Variants in ZNF711 observed in about 807,000 individuals in gnomAD.
ZNF711 encodes the protein ZFX family zinc finger ZNF711.
ZNF711 carries 3 observed loss-of-function variants against 43.5 expected under a neutral mutation model. The ratio of observed to expected loss-of-function variants is 0.07; its 90% CI spans 0.03 to 0.18. The LOEUF (loss-of-function observed/expected upper bound fraction) is 0.18. Ranked by LOEUF, ZNF711 falls within the 10% of genes least tolerant of loss-of-function variation. The pLI is 1.00. For missense variants in ZNF711, 412 were observed against 604.0 expected, an observed-to-expected ratio of 0.68 and a Z score of 3.33; for synonymous variants, 209 against 207.7, an observed-to-expected ratio of 1.01 and a Z score of -0.06.
chrX:85,270,157 T>G lies in ZNF711; in HGVS notation c.1246+11T>G, dbSNP rs1462139598. The G allele has an allele frequency of 8.3e-7, 1 of 1,200,503 alleles. No homozygotes were observed. Among genetic ancestry groups the G allele is most frequent in the African/African-American group, 1.8e-5 (1 of 56,635 alleles). On this transcript the variant is annotated intron_variant, in intron 10 of 10. Transcript: ENST00000674551. ...GGCAGTGGCAAACAGGTAAATACTT[T>G]GCTTTATGAATATTATAATTATTTG...
chrX:85,267,440 T>G (rs1310366610), intron 8 of ZNF711, 25 bp downstream of exon 8: 6 of 1,094,128 alleles, frequency 5.5e-6, no homozygotes, highest in Non-Finnish European at 7.1e-6. Context: ...TTTTTTCACC[T>G]GATAAGTACA....
At chrX:85,259,695 T>A (rs1437022290) in intron 5 of ZNF711, among the ~76,000 whole-genome samples, 1 of 110,986 alleles carries the variant, frequency 9.0e-6, no homozygotes, top group Non-Finnish European at 1.9e-5. Context: ...TCAGCTTGGA[T>A]GTTGTTGGTG....
chrX:85,255,746 AGATGAT>A lies in ZNF711; in HGVS notation c.581_586del (p.Asp194_Asp195del), dbSNP rs746649683. The A allele has an allele frequency of 4.1e-6, 5 of 1,208,371 alleles. No individual in the cohort carries two copies. In the Admixed American group the frequency reaches 6.6e-5, roughly 16 times the overall value. On this transcript the variant is annotated inframe_deletion, in exon 5 of 11. Transcript: ENST00000674551. ...GTTCTACAGTTACTATAAAAACCGA[AGATGAT>A]GATGATGATGATGTCAAGAGCACTT...
intron 4 of ZNF711, among the ~76,000 whole-genome samples, chrX:85,251,889 G>A (rs1218126313): frequency 9.0e-6 from 1 of 110,802 alleles, no homozygotes; most frequent in Non-Finnish European, 1.9e-5. Flanking sequence ...TCAGTTTCCA[G>A]CTAGGACCTT....
intron 4 of ZNF711, among the ~76,000 whole-genome samples, chrX:85,249,630 G>A (rs899632450): frequency 1.8e-5 from 2 of 110,829 alleles, no homozygotes; most frequent in Non-Finnish European, 3.8e-5. Flanking sequence ...TTTTCTTTTA[G>A]TTGTTAGGGG....
intron 5 of ZNF711, among the ~76,000 whole-genome samples, chrX:85,260,816 C>T (rs187270448): frequency 1.3e-4 from 14 of 110,672 alleles, no homozygotes; most frequent in Admixed American, 1.3e-3. Context: ...ACCCCGCCCC[C>T]CCTGCTGACA....
intron 4 of ZNF711, among the ~76,000 whole-genome samples, chrX:85,250,363 A>C (rs1003891552): frequency 5.4e-5 from 6 of 111,715 alleles, no homozygotes; most frequent in Non-Finnish European, 1.1e-4. Context: ...ATTTTCGTTC[A>C]CTATCCCCTC....
intron 5 of ZNF711, among the ~76,000 whole-genome samples, chrX:85,256,434 T>G (rs1448532894): frequency 8.9e-6 from 1 of 111,739 alleles, no homozygotes; most frequent in Non-Finnish European, 1.9e-5. Flanking sequence ...AATGATGGGT[T>G]TATGAGAGCA....
At chrX:85,269,291 TA>T (rs201206136) in intron 9 of ZNF711, among the ~76,000 whole-genome samples, 3 of 110,140 alleles carry the variant, frequency 2.7e-5, no homozygotes, top group East Asian at 2.9e-4. Context: ...CCTTCATTGG[TA>T]AAAAAAAATT....
intron 5 of ZNF711, among the ~76,000 whole-genome samples, chrX:85,259,333 A>G (rs1465807926): frequency 4.5e-5 from 5 of 111,057 alleles, no homozygotes; most frequent in Non-Finnish European, 9.5e-5. Context: ...AAGTTGGATA[A>G]TTGATGTCTC....
At chrX:85,252,331 C>A (rs1929617000) in intron 4 of ZNF711, among the ~76,000 whole-genome samples, 1 of 111,530 alleles carries the variant, frequency 9.0e-6, no homozygotes, top group African/African-American at 3.3e-5. Context: ...TAGCACTGTT[C>A]CTTCAGTCTA....
At chrX:85,261,931 T>C (rs1930682872) in intron 5 of ZNF711, among the ~76,000 whole-genome samples, 1 of 111,182 alleles carries the variant, frequency 9.0e-6, no homozygotes, top group African/African-American at 3.2e-5. Flanking sequence ...GTCAGTTGAT[T>C]GCCTATTAAG....
intron 4 of ZNF711, among the ~76,000 whole-genome samples, chrX:85,254,942 C>G (rs1175069066): frequency 8.9e-6 from 1 of 111,828 alleles, no homozygotes. Flanking sequence ...GGTGCTATCA[C>G]TGTTTTTTGT....
Position 85,265,128 on chromosome X carries a change from A to G in ZNF711, c.789A>G (p.Glu263=). 8.3e-7 allele frequency: 1 copy of G among 1,208,764 alleles called. No homozygotes were observed. The highest frequency in any genetic ancestry group is 1.1e-6 in the Non-Finnish European group (1 of 893,496). ...AEDDVEIGGT[E]IVTESEYTSG... is the part of the protein sequence containing the mutation. ...GTTTTAATTTTTAAGGTGGAACAGA[A>G]ATTGTCACAGAGAGTGAGTACACCA... Residue 263 remains glutamate, a synonymous_variant, in exon 7 of 11, where the codon GAA becomes GAG. Transcript: ENST00000674551.
rs1931609643 is a variant in ZNF711, at chrX:85,272,031, A to G, written c.*203A>G. On this transcript the variant is annotated 3_prime_UTR_variant, in exon 11 of 11. Transcript: ENST00000674551. ...TTACTTAAAGAATTTAAGAAGCACT[A>G]TAGAATGGTTACAGAAAAACTTCTT... 3 of 425,624 alleles carry G rather than the reference A, an allele frequency of 7.0e-6. No homozygotes were observed. The highest frequency in any genetic ancestry group is 7.6e-5 in the East Asian group (2 of 26,169). The allele number at this position is 425,624 out of a possible 1,213,427, so 35.1% of individuals were successfully genotyped here.
chrX:85,271,669 T>C lies in ZNF711; in HGVS notation c.2265T>C (p.Cys755=). The C allele has an allele frequency of 8.3e-7, 1 of 1,210,030 alleles. No homozygotes were observed. Among genetic ancestry groups the C allele is most frequent in the South Asian group, 1.8e-5 (1 of 56,850 alleles). The change falls in exon 11 of 11, where the codon TGT becomes TGC. Residue 755 remains cysteine, a synonymous_variant. Coordinates refer to ENST00000674551, the MANE Select transcript of ZNF711 (RefSeq NM_001330574.2). The stretch of plus-strand genomic sequence containing the variant: ...GGAAGATTTACCAATGTGAGTATTG[T>C]GAATACAGCACTACAGATGCATCTG... ...TGRKIYQCEY[C]EYSTTDASGF...
Position 85,245,952 on chromosome X carries a change from T to TA in ZNF711, c.-351dup, listed in dbSNP as rs1219544451. The TA allele has an allele frequency of 8.9e-6, 1 of 112,045 alleles. No individual in the cohort carries two copies. The highest frequency in any genetic ancestry group is 3.2e-5 in the African/African-American group (1 of 30,860). 9.2% of individuals were successfully genotyped at this position (112,045 alleles called of 1,213,427 possible). ...AAATAACATAGCACAGAAGGAAAAA[T>TA]AAAAAGAAATTGCTGCAGATTTTAC... On this transcript the variant is annotated 5_prime_UTR_variant, in exon 2 of 11. Transcript: ENST00000674551.
At chrX:85,261,085 T>C (rs73234664) in intron 5 of ZNF711, among the ~76,000 whole-genome samples, 12,498 of 110,729 alleles carry the variant, frequency 0.11, 581 homozygotes, top group South Asian at 0.17. Flanking sequence ...TGTCCTCACA[T>C]TGAGTAGGCT....
At chrX:85,260,873 A>G (rs1412493041) in intron 5 of ZNF711, among the ~76,000 whole-genome samples, 4 of 111,468 alleles carry the variant, frequency 3.6e-5, no homozygotes, top group South Asian at 3.7e-4. Context: ...TACCAAAAAC[A>G]TAACTACTAA....
Sources: gnomAD v4.1 joint callset for allele counts (sites outside exome capture counted in the v4.1 genomes callset) on GRCh38, gnomAD v4.1.1 for gene constraint, MANE v1.5 for transcripts, NCBI Gene and HGNC (gene_info 2026-07-23, HGNC 2026-07-21) for gene names.